VPS13A: variants seen among roughly 807,000 people sequenced by gnomAD.
VPS13A encodes the protein vacuolar protein sorting 13 homolog A, also known as intermembrane lipid transfer protein VPS13A.
Under a neutral mutation model 390.9 loss-of-function variants are expected in VPS13A, and 264 were observed. That is an observed-to-expected ratio of 0.68 (90% confidence interval 0.61 to 0.75). The LOEUF (loss-of-function observed/expected upper bound fraction) is 0.75. VPS13A is among the 30% of genes least tolerant of loss of function. The pLI is 0.00. For synonymous variants in VPS13A, 1,231 were observed against 1,227.1 expected, an observed-to-expected ratio of 1.00 and a Z score of -0.07; for missense variants, 3,409 against 3,733.9, an observed-to-expected ratio of 0.91 and a Z score of 2.27.
chr9:77,266,468 T>C (rs914881200), intron 23 of VPS13A, among the ~76,000 whole-genome samples: 1 of 152,082 alleles, frequency 6.6e-6, no homozygotes, highest in Admixed American at 6.5e-5. Context: ...CTTTATTCTT[T>C]AAGAATGTTG....
In VPS13A at chr9:77,295,742, A is replaced by C. The variant is rs2131376475; in HGVS notation, c.3708A>C (p.Leu1236=). ...SENVFVADFG[L]ITMTNTFHMI... is the part of the protein sequence containing the mutation. Reference sequence around the variant, plus strand: ...ATGTTTTTGTTGCTGATTTTGGACTAATTACAATGACAAATACCTTTCATA... The same window carrying C: ...ATGTTTTTGTTGCTGATTTTGGACTCATTACAATGACAAATACCTTTCATA... The change falls in exon 33 of 72, where the codon CTA becomes CTC. Residue 1236 remains leucine, a synonymous_variant. Coordinates refer to ENST00000360280, the MANE Select transcript of VPS13A (RefSeq NM_033305.3). The C allele has an allele frequency of 6.2e-7, 1 of 1,614,018 alleles. No individual in the cohort carries two copies. Among genetic ancestry groups the C allele is most frequent in the Non-Finnish European group, 8.5e-7 (1 of 1,179,946 alleles).
chr9:77,342,794 G>C (rs1192382909), intron 50 of VPS13A, among the ~76,000 whole-genome samples: 1 of 152,134 alleles, frequency 6.6e-6, no homozygotes, highest in East Asian at 1.9e-4. Context: ...TACTCAACCT[G>C]TGTAAGCAGG....
intron 22 of VPS13A, among the ~76,000 whole-genome samples, chr9:77,257,393 C>G (rs998801604): frequency 3.9e-5 from 6 of 152,100 alleles, no homozygotes; most frequent in Admixed American, 3.9e-4. Flanking sequence ...CGTCACTACA[C>G]TCAGCTAATT....
chr9:77,389,306 CT>C (rs1206829049), intron 68 of VPS13A, among the ~76,000 whole-genome samples: 1 of 141,880 alleles, frequency 7.0e-6, no homozygotes, highest in Non-Finnish European at 1.5e-5. Context: ...GTAAGCAGAA[CT>C]CTTTTTTTTT....
At chr9:77,278,463 A>G (rs1381636732) in intron 26 of VPS13A, among the ~76,000 whole-genome samples, 2 of 152,176 alleles carry the variant, frequency 1.3e-5, no homozygotes, top group Non-Finnish European at 2.9e-5. Flanking sequence ...AGAGTATACA[A>G]TTATTATTGC....
intron 59 of VPS13A, among the ~76,000 whole-genome samples, chr9:77,364,455 A>T (rs1013522032): frequency 6.6e-6 from 1 of 152,044 alleles, no homozygotes; most frequent in African/African-American, 2.4e-5. Context: ...AAAAAAACCC[A>T]TAAAGGAAGC....
Position 77,227,459 on chromosome 9 carries a change from G to A in VPS13A, c.1426G>A (p.Ala476Thr), listed in dbSNP as rs1031861408. ...LYEAIGYSETAVDPTLLKTFE... is the reference protein window; with the variant it reads ...LYEAIGYSETTVDPTLLKTFE... ...TGAAGCAATTGGCTATAGTGAAACA[G>A]CAGTTGATCCAACTTTACTAAAAAC... Residue 476 changes from alanine (A) to threonine (T), a missense_variant, in exon 16 of 72, where the codon GCA (alanine) becomes ACA (threonine). Physicochemically the swap from Ala to Thr is moderately conservative, Grantham distance 58 (BLOSUM62 0). Transcript: ENST00000360280. 8.7e-6 allele frequency: 14 copies of A among 1,613,110 alleles called. No individual in the cohort carries two copies. Among genetic ancestry groups the A allele is most frequent in the African/African-American group, 2.7e-5 (2 of 74,892 alleles).
At chr9:77,258,477 A>G (rs1299843746) in intron 22 of VPS13A, among the ~76,000 whole-genome samples, 1 of 152,124 alleles carries the variant, frequency 6.6e-6, no homozygotes, top group African/African-American at 2.4e-5. Context: ...TCTACTAACA[A>G]ATATTGTCCA....
At chr9:77,297,682 A>G (rs1199856434) in intron 33 of VPS13A, among the ~76,000 whole-genome samples, 1 of 151,866 alleles carries the variant, frequency 6.6e-6, no homozygotes, top group Non-Finnish European at 1.5e-5. Flanking sequence ...TTAAGCACCA[A>G]ATCTATCCCA....
chr9:77,239,701 T>C (rs947790493), intron 19 of VPS13A, among the ~76,000 whole-genome samples: 3 of 151,936 alleles, frequency 2.0e-5, no homozygotes, highest in African/African-American at 7.2e-5. Flanking sequence ...TATATCTACT[T>C]TTTGCATTTA....
chr9:77,393,112 A>G (rs137868874), intron 68 of VPS13A, among the ~76,000 whole-genome samples: 114 of 152,356 alleles, frequency 7.5e-4, no homozygotes, highest in African/African-American at 2.7e-3. Flanking sequence ...GGAATAATCT[A>G]AATCCTTTGT....
At chr9:77,194,507 C>T (rs1459476312) in intron 1 of VPS13A, among the ~76,000 whole-genome samples, 5 of 152,146 alleles carry the variant, frequency 3.3e-5, no homozygotes, top group Non-Finnish European at 5.9e-5. Flanking sequence ...TGCTCCACTG[C>T]AGCCATTCCC....
intron 71 of VPS13A, among the ~76,000 whole-genome samples, chr9:77,409,372 A>C (rs1367265817): frequency 1.3e-5 from 2 of 152,244 alleles, no homozygotes; most frequent in African/African-American, 4.8e-5. Context: ...AAAATCTGGA[A>C]ACTCTAAAAA....
At chr9:77,363,401 TTTA>T (rs759648184) in intron 59 of VPS13A, among the ~76,000 whole-genome samples, 1,446 of 102,696 alleles carry the variant, frequency 0.014, 78 homozygotes, top group East Asian at 0.046. Flanking sequence ...TTTTTTTTTT[TTTA>T]TTTTTTTTTT....
chr9:77,276,980 G>T (rs139324736), intron 26 of VPS13A, among the ~76,000 whole-genome samples: 51 of 152,268 alleles, frequency 3.3e-4, no homozygotes, highest in East Asian at 2.7e-3. Flanking sequence ...GATTCCGGGG[G>T]ATTAGAGCGT....
intron 21 of VPS13A, among the ~76,000 whole-genome samples, chr9:77,251,770 C>T (rs1825159941): frequency 1.3e-5 from 2 of 152,020 alleles, no homozygotes; most frequent in African/African-American, 4.8e-5. Context: ...CAACAACATC[C>T]AAGTAGACTT....
At chr9:77,192,381 T>C (rs896934809) in intron 1 of VPS13A, among the ~76,000 whole-genome samples, 12 of 152,198 alleles carry the variant, frequency 7.9e-5, no homozygotes, top group African/African-American at 2.9e-4. Context: ...CATCCTGTTA[T>C]CGTGTTGTTA....
chr9:77,247,266 G>C lies in VPS13A; in HGVS notation c.1908G>C (p.Leu636=). 1 of 1,592,890 alleles carries C rather than the reference G, an allele frequency of 6.3e-7. No individual in the cohort carries two copies. The highest frequency in any genetic ancestry group is 2.2e-5 in the East Asian group (1 of 44,564). The change falls in exon 20 of 72, where the codon CTG becomes CTC. Residue 636 remains leucine (L), a synonymous_variant. Coordinates refer to ENST00000360280, the MANE Select transcript of VPS13A (RefSeq NM_033305.3). ...AGATTTACATTTTTCCAGGTCTACTGTATATTATTGAAACACAGAAAGTTC... is the reference window on the plus strand; with the variant it reads ...AGATTTACATTTTTCCAGGTCTACTCTATATTATTGAAACACAGAAAGTTC... ...EFRSKTATGL[L]YIIETQKVLD... is the part of the protein sequence containing the mutation.
intron 32 of VPS13A, among the ~76,000 whole-genome samples, chr9:77,294,843 G>T (rs1055790741): frequency 6.6e-6 from 1 of 152,028 alleles, no homozygotes; most frequent in Non-Finnish European, 1.5e-5. Context: ...GATTAAATTA[G>T]TAGGGACAAC....
Sources: allele counts gnomAD v4.1 joint callset (sites outside exome capture counted in the v4.1 genomes callset), GRCh38; gene constraint gnomAD v4.1.1; transcripts MANE v1.5; gene names NCBI Gene and HGNC (gene_info 2026-07-23, HGNC 2026-07-21).